PCDHA1: variants seen among roughly 807,000 people sequenced by gnomAD.
The protein encoded by PCDHA1 is protocadherin alpha-1.
PCDHA1 carries 42 observed loss-of-function variants against 61.3 expected under a neutral mutation model. The ratio of observed to expected loss-of-function variants is 0.69; its 90% CI spans 0.54 to 0.89. PCDHA1 has a LOEUF of 0.89. Among genes scored for constraint, PCDHA1 ranks in the 40% least tolerant of loss-of-function variants. The pLI, the probability that PCDHA1 is intolerant of heterozygous loss-of-function variation, is 0.00. For missense variants in PCDHA1, 1,256 were observed against 1,235.3 expected (o/e 1.02, Z -0.25); for synonymous variants, 610 against 553.8 (o/e 1.10, Z -1.43).
At chr5:140,967,010 C>A (rs781936791) in intron 1 of PCDHA1, 2 of 1,606,340 alleles carry the variant, frequency 1.2e-6, no homozygotes, top group Admixed American at 3.3e-5. Context: ...CATCAACCAT[C>A]TGGGTGCGCC....
chr5:140,928,288 C>T (rs541893248), intron 1 of PCDHA1: 37 of 1,614,156 alleles, frequency 2.3e-5, no homozygotes, highest in East Asian at 4.5e-5. Flanking sequence ...CTCTCTAGGC[C>T]GAGTGTTTGC....
intron 1 of PCDHA1, chr5:140,930,379 G>T (rs1249793792): frequency 6.6e-6 from 1 of 151,896 alleles, no homozygotes; most frequent in African/African-American, 2.4e-5. Flanking sequence ...GTGGCCCTTG[G>T]CATTTCAAAA....
At chr5:140,876,395 T>C (rs1562712555) in intron 1 of PCDHA1, 2 of 1,613,920 alleles carry the variant, frequency 1.2e-6, no homozygotes, top group Non-Finnish European at 8.5e-7. Flanking sequence ...TATGGTGAAC[T>C]GGATTTTGAA....
chr5:140,809,368 C>T (rs1554125167), intron 1 of PCDHA1: 1 of 1,613,988 alleles, frequency 6.2e-7, no homozygotes, highest in Non-Finnish European at 8.5e-7. Context: ...CTGCGCTGCC[C>T]ACCGAGGGCG....
At chr5:140,842,075 T>C (rs1285752130) in intron 1 of PCDHA1, 5 of 1,613,720 alleles carry the variant, frequency 3.1e-6, no homozygotes, top group Admixed American at 1.7e-5. Context: ...AGTAAGAATA[T>C]TCGAAAACGC....
intron 1 of PCDHA1, chr5:140,876,048 T>C (rs376201695): frequency 6.2e-7 from 1 of 1,613,930 alleles, no homozygotes. Context: ...GTATATTGCC[T>C]GAATTAGTTC....
Position 140,786,185 on chromosome 5 carries a change from T to A in PCDHA1, c.-106T>A, listed in dbSNP as rs1581592952. The A allele has an allele frequency of 2.1e-6, 3 of 1,428,286 alleles. No individual in the cohort carries two copies. Among genetic ancestry groups the A allele is most frequent in the African/African-American group, 2.9e-5 (2 of 69,974 alleles). The allele number at this position is 1,428,286 out of a possible 1,614,324, so 88.5% of individuals were successfully genotyped here. ...GAGGAAGCTCCATTTTGTCACCGCC[T>A]GAGAGAAGACAGAAACGGTAAAGAG... is the stretch of plus-strand genomic sequence containing the variant. On this transcript the variant is annotated 5_prime_UTR_variant, in exon 1 of 4. Transcript: ENST00000504120.
chr5:140,999,139 C>T lies in PCDHA1; in HGVS notation c.2543-10488C>T, dbSNP rs185453971. 2.6e-3 allele frequency among the ~76,000 whole-genome samples: 401 copies of T among 152,236 alleles called. 3 individuals carry two copies. The highest frequency in any genetic ancestry group is 5.8e-3 in the South Asian group (28 of 4,818). On this transcript the variant is annotated intron_variant, in intron 3 of 3. Coordinates refer to ENST00000504120, the MANE Select transcript of PCDHA1 (RefSeq NM_018900.4). ...TTTCTAAGCTGGAAAATGTCACAGCCGGAAGTCTTCAGTCCCCTAGAAGGA... is the reference window on the plus strand; with the variant it reads ...TTTCTAAGCTGGAAAATGTCACAGCTGGAAGTCTTCAGTCCCCTAGAAGGA...
intron 3 of PCDHA1, among the ~76,000 whole-genome samples, chr5:141,007,395 C>CAAAAAAAAAA (rs35800918): frequency 8.4e-5 from 8 of 94,862 alleles, no homozygotes; most frequent in African/African-American, 1.7e-4. Flanking sequence ...TACTAAAATA[C>CAAAAAAAAAA]AAAAAAAAAA....
At chr5:140,884,104 G>C in intron 1 of PCDHA1, 1 of 1,613,464 alleles carries the variant, frequency 6.2e-7, no homozygotes, top group African/African-American at 1.3e-5. Flanking sequence ...ATGAATTGCA[G>C]CTGGCGGCGG....
At chr5:140,896,672 C>T (rs912022786) in intron 1 of PCDHA1, among the ~76,000 whole-genome samples, 7 of 152,028 alleles carry the variant, frequency 4.6e-5, no homozygotes, top group Middle Eastern at 3.2e-3. Flanking sequence ...TCACTGTGCC[C>T]GGCCCTTTGC....
intron 1 of PCDHA1, among the ~76,000 whole-genome samples, chr5:140,963,103 G>A (rs2095737477): frequency 1.3e-5 from 2 of 151,910 alleles, no homozygotes; most frequent in South Asian, 4.1e-4. Flanking sequence ...CTGCTTTCAG[G>A]TTGCTTATAA....
At chr5:140,877,536 T>A (rs1402880820) in intron 1 of PCDHA1, 1 of 1,613,730 alleles carries the variant, frequency 6.2e-7, no homozygotes, top group Non-Finnish European at 8.5e-7. Flanking sequence ...GCGCTGTGGA[T>A]CCCGAAGCGG....
At chr5:140,946,611 A>ATATATATATATATATATATATATAT (rs2093972523) in intron 1 of PCDHA1, among the ~76,000 whole-genome samples, 1 of 86,812 alleles carries the variant, frequency 1.2e-5, no homozygotes, top group African/African-American at 6.4e-5. Context: ...GAAAATGTGA[A>ATATATATATATATATATATATATAT]ATATATATAT....
At position 140,871,095 on chromosome 5, in the gene PCDHA1, GC is replaced by G; in HGVS notation, c.2394+82412del. On this transcript the variant is annotated intron_variant, in intron 1 of 3. Coordinates refer to ENST00000504120, the MANE Select transcript of PCDHA1 (RefSeq NM_018900.4). ...CGGCGCTGACGGCCACGGCCACCGT[GC>G]TGGTGTCGTTGGTGGAGAGCGGACA... The G allele has an allele frequency of 4.3e-6, 7 of 1,613,278 alleles. No individual in the cohort carries two copies. In the South Asian group the frequency reaches 5.5e-5, roughly 13 times the overall value.
intron 1 of PCDHA1, among the ~76,000 whole-genome samples, chr5:140,845,933 C>T (rs1174545487): frequency 6.7e-6 from 1 of 149,546 alleles, no homozygotes; most frequent in African/African-American, 2.5e-5. Flanking sequence ...GTAAAACTAT[C>T]TTCTGTAAAG....
At chr5:140,933,513 G>A (rs2089204044) in intron 1 of PCDHA1, among the ~76,000 whole-genome samples, 1 of 152,012 alleles carries the variant, frequency 6.6e-6, no homozygotes, top group African/African-American at 2.4e-5. Context: ...AAAGACTACA[G>A]CTGTTTTGTT....
At chr5:140,877,526 G>T (rs1554169807) in intron 1 of PCDHA1, 2 of 1,613,676 alleles carry the variant, frequency 1.2e-6, no homozygotes, top group African/African-American at 2.7e-5. Context: ...GCCTCAGTGG[G>T]CGCTGTGGAT....
intron 1 of PCDHA1, among the ~76,000 whole-genome samples, chr5:140,832,044 G>A (rs184906141): frequency 2.0e-4 from 31 of 152,258 alleles, no homozygotes; most frequent in African/African-American, 6.3e-4. Flanking sequence ...TCATAGTGAG[G>A]CCATAATTAC....
Sources: allele counts gnomAD v4.1 joint callset (sites outside exome capture counted in the v4.1 genomes callset), GRCh38; gene constraint gnomAD v4.1.1; transcripts MANE v1.5; gene names NCBI Gene and HGNC (gene_info 2026-07-23, HGNC 2026-07-21).